The following HDAC9 variants were observed in gnomAD, a reference collection of about 807,000 sequenced individuals.
HDAC9 encodes the protein histone deacetylase 9.
A neutral mutation model predicts 139.4 loss-of-function variants in HDAC9; 41 were observed. The observed-to-expected ratio is 0.29, with a 90% CI of 0.23 to 0.38. HDAC9 has a LOEUF of 0.38. Ranked by LOEUF, HDAC9 falls within the 10% of genes least tolerant of loss-of-function variation. The pLI is 1.00. For missense variants in HDAC9, 1,147 were observed against 1,297.0 expected (o/e 0.88, Z 1.78); for synonymous variants, 517 against 476.2 (o/e 1.09, Z -1.12).
intron 24 of HDAC9, among the ~76,000 whole-genome samples, chr7:18,970,565 T>C (rs1174087186): frequency 6.6e-6 from 1 of 152,182 alleles, no homozygotes; most frequent in Non-Finnish European, 1.5e-5. Context: ...CAATTTTCAA[T>C]GTGTCTTTAT....
intron 1 of HDAC9, among the ~76,000 whole-genome samples, chr7:18,338,706 T>G (rs2892886): frequency 0.19 from 29,401 of 151,440 alleles, 2,941 homozygotes; most frequent in Middle Eastern, 0.21. Context: ...TTAAATAACA[T>G]TGGTCTATAA....
At chr7:18,144,683 G>T (rs1786165880) in intron 1 of HDAC9, among the ~76,000 whole-genome samples, 1 of 151,950 alleles carries the variant, frequency 6.6e-6, no homozygotes, top group Middle Eastern at 3.4e-3. Flanking sequence ...TCCTTTTCGT[G>T]ATCTGCCCTG....
At chr7:18,593,282 A>G (rs1831503996) in intron 5 of HDAC9, among the ~76,000 whole-genome samples, 1 of 152,066 alleles carries the variant, frequency 6.6e-6, no homozygotes, top group Non-Finnish European at 1.5e-5. Context: ...ATTCAGTCCT[A>G]TAAACTATTC....
At chr7:18,413,959 A>G (rs1788812001) in intron 1 of HDAC9, among the ~76,000 whole-genome samples, 3 of 152,276 alleles carry the variant, frequency 2.0e-5, no homozygotes, top group South Asian at 2.1e-4. Flanking sequence ...AAGAGATTTA[A>G]GTGAAAGTGC....
At chr7:18,350,435 G>A (rs946521677) in intron 1 of HDAC9, among the ~76,000 whole-genome samples, 2 of 152,114 alleles carry the variant, frequency 1.3e-5, no homozygotes, top group East Asian at 3.9e-4. Context: ...GGTCAATCAC[G>A]TATCTTCATC....
At chr7:18,146,281 G>A (rs955997081) in intron 1 of HDAC9, among the ~76,000 whole-genome samples, 1 of 152,082 alleles carries the variant, frequency 6.6e-6, no homozygotes, top group Non-Finnish European at 1.5e-5. Context: ...CCATTAGTAC[G>A]TTGAATAGTA....
chr7:18,566,207 T>A (rs1822288412), intron 2 of HDAC9, among the ~76,000 whole-genome samples: 1 of 152,074 alleles, frequency 6.6e-6, no homozygotes, highest in Admixed American at 6.6e-5. Context: ...AGAGGAGAGG[T>A]TTCCAAATAC....
At chr7:18,794,217 T>G (rs555367420) in intron 17 of HDAC9, among the ~76,000 whole-genome samples, 1 of 152,236 alleles carries the variant, frequency 6.6e-6, no homozygotes, top group African/African-American at 2.4e-5. Context: ...ACACACTTCA[T>G]GACGCAATCT....
At position 18,647,796 on chromosome 7, in the gene HDAC9, A is replaced by G. The variant is rs568289862; in HGVS notation, c.1047A>G (p.Ser349=). The G allele has an allele frequency of 1.9e-4, 300 of 1,608,510 alleles. 4 individuals carry two copies. In the South Asian group the frequency reaches 3.2e-3, roughly 17 times the overall value. ...AVPSQLNASN[S]LKEKQKCETQ... ...ATTTCTCAACACAGGCTTCGAATTC[A>G]CTCAAAGAAAAGCAGAAGTGTGAGA... The change falls in exon 10 of 26, where the codon TCA becomes TCG. Residue 349 remains serine, a synonymous_variant. Transcript: ENST00000686413.
intron 12 of HDAC9, among the ~76,000 whole-genome samples, chr7:18,726,791 C>T (rs898433080): frequency 1.3e-5 from 2 of 151,430 alleles, no homozygotes; most frequent in East Asian, 1.9e-4. Context: ...GCACAAAGCT[C>T]GCTGTGTAGC....
intron 1 of HDAC9, among the ~76,000 whole-genome samples, chr7:18,338,679 A>G (rs981237338): frequency 3.6e-4 from 54 of 151,606 alleles, no homozygotes; most frequent in African/African-American, 1.1e-3. Flanking sequence ...TGCTTTTTAT[A>G]TAGTGTTGTA....
chr7:18,825,445 G>C (rs1214368537), intron 17 of HDAC9, among the ~76,000 whole-genome samples: 1 of 152,094 alleles, frequency 6.6e-6, no homozygotes, highest in Non-Finnish European at 1.5e-5. Flanking sequence ...AGTGTTGAAA[G>C]TTTAGGGCCA....
intron 22 of HDAC9, among the ~76,000 whole-genome samples, chr7:18,932,472 A>G (rs989786210): frequency 2.0e-5 from 3 of 152,180 alleles, no homozygotes; most frequent in African/African-American, 7.2e-5. Flanking sequence ...AGATAGAAAA[A>G]GGAGAGTAAA....
At chr7:18,408,917 A>G (rs1395686985) in intron 1 of HDAC9, among the ~76,000 whole-genome samples, 1 of 152,242 alleles carries the variant, frequency 6.6e-6, no homozygotes, top group Non-Finnish European at 1.5e-5. Context: ...TTGAAACAAG[A>G]GCAACCTAGT....
chr7:18,790,276 A>C (rs1259382274), intron 16 of HDAC9, among the ~76,000 whole-genome samples: 1 of 152,162 alleles, frequency 6.6e-6, no homozygotes, highest in Non-Finnish European at 1.5e-5. Context: ...ACTGAAGCTC[A>C]AATCGCTAAT....
intron 6 of HDAC9, among the ~76,000 whole-genome samples, chr7:18,599,241 C>T (rs1232239537): frequency 1.3e-5 from 2 of 152,128 alleles, no homozygotes; most frequent in Non-Finnish European, 2.9e-5. Context: ...TAGGTTTCTG[C>T]TTTTTAAATA....
At chr7:18,523,967 GTGGAGCT>G (rs1327784769) in intron 2 of HDAC9, among the ~76,000 whole-genome samples, 1 of 148,552 alleles carries the variant, frequency 6.7e-6, no homozygotes, top group Non-Finnish European at 1.5e-5. Context: ...CAGAATAAGC[GTGGAGCT>G]TGGTAGGTAA....
chr7:18,222,190 G>C (rs1300919437), intron 2 of HDAC9, among the ~76,000 whole-genome samples: 1 of 152,080 alleles, frequency 6.6e-6, no homozygotes, highest in Non-Finnish European at 1.5e-5. Context: ...TGCTTAATCT[G>C]GTTCATAATT....
rs1491224211 is a variant in HDAC9, at chr7:18,732,915, GTA to G, written c.1909+5161_1909+5162del. ...TGTACACACACACGTGTGCGTATGT[GTA>G]TACACACGTGTGTATGTATGTGTAT... On this transcript the variant is annotated intron_variant, in intron 13 of 25. Coordinates refer to ENST00000686413, the MANE Select transcript of HDAC9 (RefSeq NM_178425.4). Among the ~76,000 whole-genome samples, 17 of 92,924 alleles carry G rather than the reference GTA, an allele frequency of 1.8e-4. 4 individuals are homozygous for G. Among genetic ancestry groups the G allele is most frequent in the Admixed American group, 1.6e-3 (16 of 10,080 alleles). The allele number at this position is 92,924 out of a possible 152,430, so 61.0% of individuals were successfully genotyped here.
Sources: gnomAD v4.1 joint callset for allele counts (sites outside exome capture counted in the v4.1 genomes callset) on GRCh38, gnomAD v4.1.1 for gene constraint, MANE v1.5 for transcripts, NCBI Gene and HGNC (gene_info 2026-07-23, HGNC 2026-07-21) for gene names.